The following RAD51B variants were observed in gnomAD, a reference collection of about 807,000 sequenced individuals.
RAD51B encodes the protein RAD51 paralog B.
RAD51B carries 38 observed loss-of-function variants against 42.2 expected under a neutral mutation model. The ratio of observed to expected loss-of-function variants is 0.90; its 90% CI spans 0.70 to 1.18. The LOEUF is 1.18. Ranked by LOEUF, RAD51B falls within the 50% of genes most tolerant of loss-of-function variation. The pLI, the probability that RAD51B is intolerant of heterozygous loss-of-function variation, is 0.00. For missense variants in RAD51B, 373 were observed against 400.7 expected (o/e 0.93, Z 0.59); for synonymous variants, 154 against 145.2 (o/e 1.06, Z -0.43).
intron 7 of RAD51B, among the ~76,000 whole-genome samples, chr14:67,997,319 A>G (rs1359742716): frequency 6.6e-6 from 1 of 152,182 alleles, no homozygotes; most frequent in East Asian, 1.9e-4. Context: ...AGGGGAAAAG[A>G]GGGAACCAAC....
chr14:67,978,221 AG>A (rs1311109890), intron 7 of RAD51B, among the ~76,000 whole-genome samples: 1 of 152,122 alleles, frequency 6.6e-6, no homozygotes, highest in Non-Finnish European at 1.5e-5. Flanking sequence ...TTATGCATGT[AG>A]GGGTTTCAGC....
At chr14:68,463,638 T>G (rs1028808575) in intron 9 of RAD51B, among the ~76,000 whole-genome samples, 6 of 152,282 alleles carry the variant, frequency 3.9e-5, no homozygotes, top group Admixed American at 2.6e-4. Context: ...AATATGCATC[T>G]TCACATAGTA....
At chr14:68,676,511 T>C (rs1893305584) in intron 11 of RAD51B, among the ~76,000 whole-genome samples, 1 of 152,170 alleles carries the variant, frequency 6.6e-6, no homozygotes. Context: ...TGCTTTGTAG[T>C]TCTGGAAACT....
intron 10 of RAD51B, among the ~76,000 whole-genome samples, chr14:68,514,871 A>T (rs753157357): frequency 1.9e-4 from 29 of 152,164 alleles, no homozygotes; most frequent in Non-Finnish European, 2.8e-4. Context: ...TTCATTTCCG[A>T]TAAGAAATAC....
At chr14:67,873,655 A>G (rs1207617688) in intron 5 of RAD51B, among the ~76,000 whole-genome samples, 1 of 151,376 alleles carries the variant, frequency 6.6e-6, no homozygotes, top group African/African-American at 2.4e-5. Context: ...TTATTGTGGC[A>G]TTATTCACAA....
intron 7 of RAD51B, among the ~76,000 whole-genome samples, chr14:68,243,773 A>C (rs1387707450): frequency 6.6e-6 from 1 of 152,096 alleles, no homozygotes; most frequent in African/African-American, 2.4e-5. Context: ...TTTCCTTTAA[A>C]CATGGTTCTG....
At chr14:68,605,033 G>A (rs1891390378) in intron 10 of RAD51B, among the ~76,000 whole-genome samples, 1 of 152,186 alleles carries the variant, frequency 6.6e-6, no homozygotes, top group Non-Finnish European at 1.5e-5. Flanking sequence ...GGCCCAGGCG[G>A]TGCTGCAGCC....
At chr14:68,339,384 C>T (rs1014956419) in intron 8 of RAD51B, 9 of 980,562 alleles carry the variant, frequency 9.2e-6, no homozygotes, top group Non-Finnish European at 1.3e-5. Context: ...GGTGAGGTCT[C>T]TTTGGGGCTG....
At chr14:68,377,494 C>T (rs1199565834) in intron 8 of RAD51B, among the ~76,000 whole-genome samples, 1 of 152,188 alleles carries the variant, frequency 6.6e-6, no homozygotes, top group Admixed American at 6.5e-5. Flanking sequence ...TTTGTTTCAA[C>T]GATGAGCAGA....
At chr14:68,098,350 C>T (rs890676773) in intron 7 of RAD51B, among the ~76,000 whole-genome samples, 1 of 152,214 alleles carries the variant, frequency 6.6e-6, no homozygotes, top group Non-Finnish European at 1.5e-5. Flanking sequence ...CAAAATAGTA[C>T]CTGCCCAGGC....
intron 9 of RAD51B, among the ~76,000 whole-genome samples, chr14:68,426,903 A>G (rs2084864473): frequency 6.6e-6 from 1 of 152,158 alleles, no homozygotes; most frequent in Non-Finnish European, 1.5e-5. Context: ...GACCCAGGGT[A>G]CCATCCACAG....
At chr14:67,966,636 A>G (rs561885730) in intron 7 of RAD51B, among the ~76,000 whole-genome samples, 1 of 152,272 alleles carries the variant, frequency 6.6e-6, no homozygotes, top group South Asian at 2.1e-4. Flanking sequence ...GCATTGACTT[A>G]GAGATACATG....
Position 67,976,531 on chromosome 14 carries a change from T to C in RAD51B, c.756+89327T>C, listed in dbSNP as rs145364249. Among the ~76,000 whole-genome samples the C allele has an allele frequency of 8.0e-3, 1,219 of 152,220 alleles. 13 individuals carry two copies. The highest frequency in any genetic ancestry group is 0.027 in the African/African-American group (1,142 of 41,568). ...AACGTGCAGGTTTGTTACATATGTA[T>C]ACATGTGCCATGTTGGTGTGCTGCA... On this transcript the variant is annotated intron_variant, in intron 7 of 10. Coordinates refer to ENST00000471583, the MANE Select transcript of RAD51B (RefSeq NM_133510.4).
At chr14:68,093,308 C>G (rs1030070835) in intron 7 of RAD51B, among the ~76,000 whole-genome samples, 1 of 152,140 alleles carries the variant, frequency 6.6e-6, no homozygotes. Context: ...TGGTAGAATT[C>G]GGCTGTGAAT....
At chr14:67,822,904 AT>A (rs2040682169) in intron 1 of RAD51B, among the ~76,000 whole-genome samples, 1 of 152,188 alleles carries the variant, frequency 6.6e-6, no homozygotes, top group African/African-American at 2.4e-5. Flanking sequence ...GACTGCCTGG[AT>A]TCAAATTCTG....
intron 7 of RAD51B, among the ~76,000 whole-genome samples, chr14:68,039,496 T>G (rs894607936): frequency 2.9e-4 from 44 of 152,040 alleles, no homozygotes; most frequent in African/African-American, 1.0e-3. Context: ...ACCAAAAACT[T>G]GAGAAAATAT....
At chr14:68,221,705 AAGCTTCTTCAC>A (rs2079930683) in intron 7 of RAD51B, among the ~76,000 whole-genome samples, 1 of 152,236 alleles carries the variant, frequency 6.6e-6, no homozygotes. Flanking sequence ...TTAAACTAAA[AAGCTTCTTCAC>A]AGCAAAAGAA....
rs1439866439 is a variant in RAD51B, at chr14:68,119,513, A to C, written c.757-172371A>C. On this transcript the variant is annotated intron_variant, in intron 7 of 10. Transcript: ENST00000471583. ...TCCCCAGAGTGTGACGTTCCCCTTC[A>C]TGTGTCCATGTGGTCTCATTGTTCA... 3.0e-4 allele frequency among the ~76,000 whole-genome samples: 36 copies of C among 118,846 alleles called. No individual in the cohort carries two copies. The East Asian group carries it at 6.0e-3, about 20-fold the overall frequency. 78.0% of individuals were successfully genotyped at this position (118,846 alleles called of 152,430 possible).
chr14:68,404,179 C>T (rs780565500), intron 8 of RAD51B, among the ~76,000 whole-genome samples: 33 of 152,280 alleles, frequency 2.2e-4, no homozygotes, highest in Middle Eastern at 3.4e-3. Context: ...GCTCAGTTCA[C>T]GTATTTGATT....
Sources: allele counts gnomAD v4.1 joint callset (sites outside exome capture counted in the v4.1 genomes callset), GRCh38; gene constraint gnomAD v4.1.1; transcripts MANE v1.5; gene names NCBI Gene and HGNC (gene_info 2026-07-23, HGNC 2026-07-21).